Variants in SLC25A18 observed in about 807,000 individuals in gnomAD.
SLC25A18 encodes the protein mitochondrial glutamate carrier 2.
SLC25A18 carries 24 observed loss-of-function variants against 31.1 expected under a neutral mutation model. The ratio of observed to expected loss-of-function variants is 0.77; its 90% CI spans 0.56 to 1.08. SLC25A18 has a LOEUF of 1.08. SLC25A18 is among the 50% of genes least tolerant of loss of function. The pLI, the probability that SLC25A18 is intolerant of heterozygous loss-of-function variation, is 0.00. For missense variants in SLC25A18, 371 were observed against 418.5 expected, an observed-to-expected ratio of 0.89 and a Z score of 0.99; for synonymous variants, 173 against 161.9, an observed-to-expected ratio of 1.07 and a Z score of -0.52.
chr22:17,565,680 A>G (rs532227499), intron 1 of SLC25A18, among the ~76,000 whole-genome samples: 1 of 152,086 alleles, frequency 6.6e-6, no homozygotes, highest in East Asian at 1.9e-4. Flanking sequence ...CCAGCCTGAC[A>G]AACATGGAGA....
chr22:17,573,863 AT>A (rs1301100388), intron 2 of SLC25A18, among the ~76,000 whole-genome samples: 1 of 152,008 alleles, frequency 6.6e-6, no homozygotes, highest in Non-Finnish European at 1.5e-5. Flanking sequence ...GGGTCTCCTA[AT>A]TGGCCTCTCA....
Position 17,568,092 on chromosome 22 carries a change from C to T in SLC25A18, c.-263-1832C>T, listed in dbSNP as rs771120881. ...AAGGCAGAGGAGAATAGGCCAGGTG[C>T]GATGGCTCACACCTATAATCCCAGC... On this transcript the variant is annotated intron_variant, in intron 1 of 10. Transcript: ENST00000327451. Among the ~76,000 whole-genome samples the T allele has an allele frequency of 6.6e-5, 10 of 152,110 alleles. 1 individual carries two copies. In the East Asian group the frequency reaches 1.9e-3, roughly 29 times the overall value.
chr22:17,584,568 T>C (rs1160746701), intron 7 of SLC25A18, among the ~76,000 whole-genome samples: 2 of 150,910 alleles, frequency 1.3e-5, no homozygotes, highest in East Asian at 3.9e-4. Flanking sequence ...TCACCTGAGG[T>C]CAGGGGTTCA....
At chr22:17,572,734 C>T (rs1237190303) in intron 2 of SLC25A18, among the ~76,000 whole-genome samples, 22 of 142,094 alleles carry the variant, frequency 1.5e-4, no homozygotes, top group Non-Finnish European at 2.4e-4. Context: ...CTCCGCCTCC[C>T]GGGTTCACAC....
At chr22:17,587,024 T>TTTTTC (rs2057569133) in intron 7 of SLC25A18, 112 bp from the exon 8 acceptor site, 1 of 1,177,556 alleles carries the variant, frequency 8.5e-7, no homozygotes, top group Admixed American at 2.3e-5. Context: ...CCAGCTGAGG[T>TTTTTC]GTCAGCCTGG....
At chr22:17,574,450 C>T (rs995212387) in intron 2 of SLC25A18, among the ~76,000 whole-genome samples, 18 of 152,150 alleles carry the variant, frequency 1.2e-4, no homozygotes, top group Non-Finnish European at 1.9e-4. Context: ...CCTCTGCTCA[C>T]ACCAAGCCCA....
intron 2 of SLC25A18, among the ~76,000 whole-genome samples, chr22:17,578,096 C>G (rs1799997421): frequency 6.6e-6 from 1 of 150,626 alleles, no homozygotes; most frequent in Non-Finnish European, 1.5e-5. Flanking sequence ...ATAATCCTCC[C>G]ATCTCAGCCT....
intron 7 of SLC25A18, among the ~76,000 whole-genome samples, chr22:17,584,399 A>AAAGAAAGAAAGAAAGAAAGAAAGAAAG (rs2057464585): frequency 9.0e-6 from 1 of 110,690 alleles, no homozygotes; most frequent in African/African-American, 3.5e-5. Context: ...TCTCAAAAAG[A>AAAGAAAGAAAGAAAGAAAGAAAGAAAG]AAAGAAAGAA....
At chr22:17,570,171 C>T in intron 2 of SLC25A18, 185 bp downstream of exon 2, 2 of 197,500 alleles carry the variant, frequency 1.0e-5, no homozygotes, top group Non-Finnish European at 1.8e-5. Context: ...GTATCCCAGG[C>T]AACATCCAAG....
At chr22:17,585,683 C>A (rs1231960559) in intron 7 of SLC25A18, among the ~76,000 whole-genome samples, 3 of 145,878 alleles carry the variant, frequency 2.1e-5, no homozygotes, top group Non-Finnish European at 4.5e-5. Flanking sequence ...GAGTTTCACT[C>A]TGTTGCCCAG....
At chr22:17,572,723 G>A (rs1454337794) in intron 2 of SLC25A18, among the ~76,000 whole-genome samples, 1 of 129,890 alleles carries the variant, frequency 7.7e-6, no homozygotes, top group African/African-American at 3.4e-5. Context: ...CTCACTGCAA[G>A]CTCCGCCTCC....
chr22:17,572,996 T>C (rs1253650118), intron 2 of SLC25A18, among the ~76,000 whole-genome samples: 1 of 152,062 alleles, frequency 6.6e-6, no homozygotes, highest in Admixed American at 6.6e-5. Context: ...ACCTGTAGTC[T>C]CAACAACCCA....
chr22:17,574,526 T>TA (rs2057178174), intron 2 of SLC25A18, among the ~76,000 whole-genome samples: 3 of 151,116 alleles, frequency 2.0e-5, no homozygotes, highest in Admixed American at 6.6e-5. Context: ...TTTTTTTATT[T>TA]TTTTTTTTGA....
chr22:17,568,234 GT>G (rs2056988660), intron 1 of SLC25A18, among the ~76,000 whole-genome samples: 1 of 151,854 alleles, frequency 6.6e-6, no homozygotes, highest in Non-Finnish European at 1.5e-5. Context: ...GGGTGTGGTG[GT>G]GGGCACCTGT....
At chr22:17,567,466 G>C (rs142046866) in intron 1 of SLC25A18, among the ~76,000 whole-genome samples, 1 of 151,812 alleles carries the variant, frequency 6.6e-6, no homozygotes, top group East Asian at 2.0e-4. Context: ...TCCCTAAAGT[G>C]TATTACTTCA....
At chr22:17,580,726 CGGGCCG>C in intron 3 of SLC25A18, 1 of 1,119,272 alleles carries the variant, frequency 8.9e-7, no homozygotes, top group East Asian at 5.3e-5. Flanking sequence ...AGCCAGAGGA[CGGGCCG>C]GGGAAGCTTG....
At chr22:17,564,893 G>A (rs1456582778) in intron 1 of SLC25A18, among the ~76,000 whole-genome samples, 1 of 139,584 alleles carries the variant, frequency 7.2e-6, no homozygotes, top group Non-Finnish European at 1.6e-5. Flanking sequence ...ACATAATGAG[G>A]CCCCACCTCT....
chr22:17,583,276 G>A (rs1051507144), intron 6 of SLC25A18, 140 bp from the exon 7 acceptor site: 4 of 994,172 alleles, frequency 4.0e-6, no homozygotes, highest in Non-Finnish European at 6.1e-6. Flanking sequence ...CACACCTAAG[G>A]GCTAGCTGAT....
chr22:17,580,737 A>C, intron 3 of SLC25A18: 9 of 1,129,218 alleles, frequency 8.0e-6, no homozygotes, highest in African/African-American at 1.6e-5. Flanking sequence ...GGGCCGGGGA[A>C]GCTTGGGGCA....
Sources: allele counts gnomAD v4.1 joint callset (sites outside exome capture counted in the v4.1 genomes callset), GRCh38; gene constraint gnomAD v4.1.1; transcripts MANE v1.5; gene names NCBI Gene and HGNC (gene_info 2026-07-23, HGNC 2026-07-21).